SEZ6L: variants seen among roughly 807,000 people sequenced by gnomAD.
SEZ6L encodes seizure 6-like protein.
Under a neutral mutation model 106.2 loss-of-function variants are expected in SEZ6L, and 37 were observed. The observed-to-expected ratio is 0.35, with a 90% CI of 0.27 to 0.46. The LOEUF is 0.46. SEZ6L is among the 20% of genes least tolerant of loss of function. The pLI is 1.00. For missense variants in SEZ6L, 1,172 were observed against 1,332.8 expected (o/e 0.88, Z 1.88); for synonymous variants, 541 against 570.4 (o/e 0.95, Z 0.73).
intron 1 of SEZ6L, among the ~76,000 whole-genome samples, chr22:26,286,728 C>A (rs2080944463): frequency 6.7e-6 from 1 of 149,084 alleles, no homozygotes; most frequent in African/African-American, 2.5e-5. Context: ...TACAAACCTT[C>A]AGCTTCAGAG....
intron 1 of SEZ6L, among the ~76,000 whole-genome samples, chr22:26,292,032 GAA>G (rs1569447231): frequency 6.1e-5 from 3 of 49,298 alleles, no homozygotes; most frequent in African/African-American, 2.9e-4. Flanking sequence ...AGGAAGGAAG[GAA>G]GGATGGATGG....
chr22:26,269,965 A>G lies in SEZ6L; in HGVS notation c.95-22441A>G, dbSNP rs146773085. Among the ~76,000 whole-genome samples the G allele has an allele frequency of 4.4e-3, 666 of 152,352 alleles. 4 individuals carry two copies. The highest frequency in any genetic ancestry group is 0.015 in the African/African-American group (624 of 41,586). On this transcript the variant is annotated intron_variant, in intron 1 of 16. Transcript: ENST00000248933. ...GCCAGCCCAGAAGGGGACAAGAAAG[A>G]CAGTATCAGGGAAAAGACCCCGGAG...
intron 1 of SEZ6L, among the ~76,000 whole-genome samples, chr22:26,211,549 A>G (rs574401543): frequency 3.3e-5 from 5 of 152,306 alleles, no homozygotes; most frequent in South Asian, 4.1e-4. Context: ...CTCAAAAGAT[A>G]CCTTACAAAT....
At chr22:26,255,152 G>A (rs2145803637) in intron 1 of SEZ6L, among the ~76,000 whole-genome samples, 1 of 152,170 alleles carries the variant, frequency 6.6e-6, no homozygotes, top group East Asian at 1.9e-4. Context: ...CAATTTGATG[G>A]ATTTGGAGAT....
intron 1 of SEZ6L, among the ~76,000 whole-genome samples, chr22:26,220,004 T>A (rs943973975): frequency 1.3e-5 from 2 of 152,248 alleles, no homozygotes; most frequent in East Asian, 1.9e-4. Flanking sequence ...GCACACCAGG[T>A]AGGTGAAGAG....
chr22:26,278,878 G>T (rs1039962487), intron 1 of SEZ6L, among the ~76,000 whole-genome samples: 14 of 139,974 alleles, frequency 1.0e-4, no homozygotes, highest in Middle Eastern at 7.9e-3. Context: ...GAGAAAGAAA[G>T]AAAAGGAAGA....
At chr22:26,173,516 C>T (rs7511617) in intron 1 of SEZ6L, among the ~76,000 whole-genome samples, 3 of 152,228 alleles carry the variant, frequency 2.0e-5, no homozygotes, top group African/African-American at 4.8e-5. Context: ...GGAGATCGAG[C>T]GGATGCAGGA....
At chr22:26,308,131 G>A (rs1035969003) in intron 6 of SEZ6L, among the ~76,000 whole-genome samples, 5 of 152,266 alleles carry the variant, frequency 3.3e-5, no homozygotes, top group South Asian at 2.1e-4. Context: ...TATTGAGGGG[G>A]AAATGGCTAA....
rs2081175437 is a variant in SEZ6L at position 26,292,786 on chromosome 22, T to C, written c.475T>C (p.Ser159Pro). ...PASQGLDLLS[S>P]STEKPGPPGD... is the part of the protein sequence containing the mutation. ...GTCCCAGGGCCTAGATCTCCTCTCC[T>C]CCTCCACGGAGAAGCCTGGCCCACC... Residue 159 changes from serine to proline, a missense_variant, in exon 2 of 17, where the codon TCC (serine) becomes CCC (proline). This residue lies in a region of SEZ6L where 494 missense variants were observed against 445.8 expected (regional missense o/e 1.11). Transcript: ENST00000248933. The C allele has an allele frequency of 6.2e-7, 1 of 1,613,940 alleles. No homozygotes were observed. Among genetic ancestry groups the C allele is most frequent in the Admixed American group, 1.7e-5 (1 of 60,004 alleles).
In SEZ6L at chr22:26,240,096, A is replaced by T. The variant is rs867832878; in HGVS notation, c.95-52310A>T. ...CACACACACACACACACACACTCAC[A>T]CACACACACACACACACACACACAC... On this transcript the variant is annotated intron_variant, in intron 1 of 16. Transcript: ENST00000248933. Among the ~76,000 whole-genome samples the T allele has an allele frequency of 4.7e-3, 699 of 147,368 alleles. 6 individuals carry two copies. Among genetic ancestry groups the T allele is most frequent in the African/African-American group, 0.014 (555 of 38,630 alleles).
intron 9 of SEZ6L, among the ~76,000 whole-genome samples, chr22:26,325,165 C>T (rs1263597423): frequency 1.3e-5 from 2 of 152,164 alleles, no homozygotes; most frequent in African/African-American, 4.8e-5. Flanking sequence ...GCCTCTTGAG[C>T]CCACACTAGG....
chr22:26,308,086 A>G (rs1398676772), intron 6 of SEZ6L, among the ~76,000 whole-genome samples: 1 of 152,212 alleles, frequency 6.6e-6, no homozygotes, highest in Non-Finnish European at 1.5e-5. Context: ...GGCCAAGAAG[A>G]AAAGAGAAAT....
At chr22:26,296,605 G>A (rs1486896531) in intron 3 of SEZ6L, among the ~76,000 whole-genome samples, 1 of 152,206 alleles carries the variant, frequency 6.6e-6, no homozygotes, top group Non-Finnish European at 1.5e-5. Flanking sequence ...CTGTGCCAAA[G>A]GCCCCTCTTA....
chr22:26,337,528 A>G (rs575184449), intron 9 of SEZ6L, among the ~76,000 whole-genome samples: 9 of 152,294 alleles, frequency 5.9e-5, no homozygotes, highest in Admixed American at 5.2e-4. Context: ...CTCCCCTACT[A>G]CAGGTCCAAA....
chr22:26,337,748 A>T (rs1332825483), intron 9 of SEZ6L, among the ~76,000 whole-genome samples: 1 of 152,160 alleles, frequency 6.6e-6, no homozygotes, highest in East Asian at 1.9e-4. Context: ...CATGTGTGCA[A>T]AGCAAGCAGG....
chr22:26,228,538 A>G (rs1046563689), intron 1 of SEZ6L, among the ~76,000 whole-genome samples: 1 of 152,228 alleles, frequency 6.6e-6, no homozygotes, highest in Non-Finnish European at 1.5e-5. Context: ...AAAACCGTTC[A>G]GCCCTCTATG....
chr22:26,206,324 G>A (rs1941269518), intron 1 of SEZ6L, among the ~76,000 whole-genome samples: 1 of 152,146 alleles, frequency 6.6e-6, no homozygotes, highest in Non-Finnish European at 1.5e-5. Flanking sequence ...CCAGAGAAGT[G>A]ACAGCACCTC....
intron 9 of SEZ6L, among the ~76,000 whole-genome samples, chr22:26,326,180 C>T (rs16981740): frequency 0.1 from 15,636 of 152,270 alleles, 1,128 homozygotes; most frequent in Admixed American, 0.24. Context: ...GCCTTGGTGA[C>T]TGCAAGAGCC....
chr22:26,265,526 G>C (rs571814899), intron 1 of SEZ6L, among the ~76,000 whole-genome samples: 7 of 152,298 alleles, frequency 4.6e-5, no homozygotes, highest in Admixed American at 2.0e-4. Flanking sequence ...AGAGCTATTT[G>C]AAGAATCGTG....
Sources: gnomAD v4.1 joint callset for allele counts (sites outside exome capture counted in the v4.1 genomes callset) on GRCh38, gnomAD v4.1.1 for gene constraint, gnomAD v4.1.1 regional missense constraint, MANE v1.5 for transcripts, NCBI Gene and HGNC (gene_info 2026-07-23, HGNC 2026-07-21) for gene names.